The following TEAD1 variants were observed in gnomAD, a reference collection of about 807,000 sequenced individuals.
TEAD1 encodes the protein TEA domain transcription factor 1.
In TEAD1, 9 loss-of-function variants were observed where a neutral mutation model predicts 54.9. That is an observed-to-expected ratio of 0.16 (90% CI 0.10 to 0.29). The LOEUF (loss-of-function observed/expected upper bound fraction) is 0.29. Ranked by LOEUF, TEAD1 falls within the 10% of genes least tolerant of loss-of-function variation. TEAD1 has a pLI of 1.00. For synonymous variants in TEAD1, 200 were observed against 187.8 expected, an observed-to-expected ratio of 1.07 and a Z score of -0.53; for missense variants, 387 against 535.9, an observed-to-expected ratio of 0.72 and a Z score of 2.74.
At chr11:12,713,171 A>G (rs1217569334) in intron 2 of TEAD1, among the ~76,000 whole-genome samples, 1 of 152,070 alleles carries the variant, frequency 6.6e-6, no homozygotes, top group African/African-American at 2.4e-5. Context: ...AGGCATGTGC[A>G]ACCATGCCTG....
At chr11:12,839,310 C>G (rs1946975142) in intron 3 of TEAD1, among the ~76,000 whole-genome samples, 1 of 152,114 alleles carries the variant, frequency 6.6e-6, no homozygotes, top group Non-Finnish European at 1.5e-5. Context: ...GCTCGGGAGG[C>G]TGAGACAGGA....
intron 2 of TEAD1, among the ~76,000 whole-genome samples, chr11:12,733,926 C>T (rs1944472526): frequency 6.6e-6 from 1 of 152,184 alleles, no homozygotes; most frequent in Admixed American, 6.5e-5. Flanking sequence ...CCCACCTCCC[C>T]CGCCCCCTCT....
chr11:12,798,626 A>G (rs1590162809), intron 3 of TEAD1, among the ~76,000 whole-genome samples: 4 of 152,368 alleles, frequency 2.6e-5, no homozygotes, highest in Admixed American at 2.6e-4. Context: ...GTGTAAACCA[A>G]GAATGCCTTA....
Position 12,940,934 on chromosome 11 carries a change from G to A in TEAD1, c.*3712G>A, listed in dbSNP as rs766069087. 19 of 152,200 alleles carry A rather than the reference G, an allele frequency of 1.2e-4. No individual in the cohort carries two copies. Among genetic ancestry groups the A allele is most frequent in the Non-Finnish European group, 2.1e-4 (14 of 68,050 alleles). 9.4% of individuals were successfully genotyped at this position (152,200 alleles called of 1,614,324 possible). ...TAAGATACGTTTTCTGTCTTGAGCT[G>A]AAAGCACAGTCTACTCTCCTTCGTT... On this transcript the variant is annotated 3_prime_UTR_variant, in exon 13 of 13. Coordinates refer to ENST00000527636, the MANE Select transcript of TEAD1 (RefSeq NM_021961.6).
In TEAD1 at chr11:12,798,448, A is replaced by G. The variant is rs140487898; in HGVS notation, c.202+34014A>G. Among the ~76,000 whole-genome samples the G allele has an allele frequency of 1.1e-4, 16 of 152,296 alleles. 1 individual carries two copies. The East Asian group carries it at 3.1e-3, about 29-fold the overall frequency. ...CAGTTAGATCAGAAGGCCCCTAAAG[A>G]CAGGGCTCCATTGGTGTTAAACTGC... On this transcript the variant is annotated intron_variant, in intron 3 of 12. Transcript: ENST00000527636.
At chr11:12,877,695 GCTCCGTTTTCTTTTTCCCCCCTCCC>G (rs1275637890) in intron 5 of TEAD1, among the ~76,000 whole-genome samples, 2 of 151,630 alleles carry the variant, frequency 1.3e-5, no homozygotes, top group Admixed American at 6.6e-5. Context: ...GAAGTGTTAG[GCTCCGTTTTCTTTTTCCCCCCTCCC>G]CTCCCTTTCC....
In TEAD1 at chr11:12,778,781, A is replaced by G. The variant is rs78809375; in HGVS notation, c.202+14347A>G. 7.9e-3 allele frequency among the ~76,000 whole-genome samples: 1,198 copies of G among 152,292 alleles called. 20 individuals are homozygous for G. Among genetic ancestry groups the G allele is most frequent in the African/African-American group, 0.028 (1,145 of 41,554 alleles). On this transcript the variant is annotated intron_variant, in intron 3 of 12. Transcript: ENST00000527636. Reference sequence around the variant, plus strand: ...ATGACATTTACAACATTTTAATGAAACAACAAGGGCAAGAATTTTGATTTC... The same window carrying G: ...ATGACATTTACAACATTTTAATGAAGCAACAAGGGCAAGAATTTTGATTTC...
chr11:12,876,258 A>T (rs1320523165), intron 5 of TEAD1, among the ~76,000 whole-genome samples: 1 of 152,138 alleles, frequency 6.6e-6, no homozygotes, highest in Admixed American at 6.6e-5. Context: ...ACACTGACTG[A>T]TTTCCGTTTC....
chr11:12,857,259 A>C (rs2134060512), intron 3 of TEAD1, among the ~76,000 whole-genome samples: 1 of 152,348 alleles, frequency 6.6e-6, no homozygotes, highest in Non-Finnish European at 1.5e-5. Flanking sequence ...TCACAGTGTA[A>C]AAGTGACAGG....
At chr11:12,922,021 G>A (rs934435567) in intron 10 of TEAD1, among the ~76,000 whole-genome samples, 5 of 152,148 alleles carry the variant, frequency 3.3e-5, no homozygotes, top group South Asian at 2.1e-4. Flanking sequence ...ACATAAAACC[G>A]GATAAGTACA....
chr11:12,686,037 A>G (rs1462821342), intron 2 of TEAD1, among the ~76,000 whole-genome samples: 3 of 152,004 alleles, frequency 2.0e-5, no homozygotes, highest in Non-Finnish European at 2.9e-5. Context: ...AGTTTTGCCT[A>G]TTTGTATTTT....
Position 12,916,449 on chromosome 11 carries a change from C to A in TEAD1, c.874-8463C>A, listed in dbSNP as rs117755401. Among the ~76,000 whole-genome samples the A allele has an allele frequency of 6.7e-3, 1,023 of 152,256 alleles. 6 individuals carry two copies. Among genetic ancestry groups the A allele is most frequent in the Non-Finnish European group, 0.011 (716 of 68,026 alleles). On this transcript the variant is annotated intron_variant, in intron 10 of 12. Coordinates refer to ENST00000527636, the MANE Select transcript of TEAD1 (RefSeq NM_021961.6). ...CTCTAGATGTGATTTGAGGCTCTGT[C>A]TTCATCTCTATTGTGGTCAATATTT...
intron 3 of TEAD1, among the ~76,000 whole-genome samples, chr11:12,828,750 T>C (rs1368900496): frequency 2.0e-5 from 3 of 151,100 alleles, no homozygotes; most frequent in Admixed American, 6.6e-5. Flanking sequence ...CACTTTTCCT[T>C]AACTGGCGTC....
At chr11:12,930,517 A>T (rs1276826309) in intron 12 of TEAD1, among the ~76,000 whole-genome samples, 191 bp downstream of exon 12, 1 of 152,148 alleles carries the variant, frequency 6.6e-6, no homozygotes, top group Non-Finnish European at 1.5e-5. Flanking sequence ...GATTCTGTAG[A>T]AGAGAAGGGG....
chr11:12,908,275 CA>C (rs2134137323), intron 10 of TEAD1, among the ~76,000 whole-genome samples: 1 of 152,272 alleles, frequency 6.6e-6, no homozygotes, highest in South Asian at 2.1e-4. Context: ...GGAATGGTAC[CA>C]GACAACTAGG....
intron 2 of TEAD1, among the ~76,000 whole-genome samples, chr11:12,750,670 G>A (rs1285306407): frequency 6.6e-6 from 1 of 152,084 alleles, no homozygotes; most frequent in East Asian, 1.9e-4. Context: ...TGGCCTATGA[G>A]GCCCCCTGTG....
chr11:12,869,180 A>C (rs1053161533), intron 5 of TEAD1, among the ~76,000 whole-genome samples: 93 of 152,296 alleles, frequency 6.1e-4, no homozygotes, highest in African/African-American at 2.2e-3. Flanking sequence ...GGGTTCATTC[A>C]AATTTACCCT....
intron 3 of TEAD1, among the ~76,000 whole-genome samples, chr11:12,815,134 T>C (rs180697150): frequency 1.4e-3 from 217 of 152,168 alleles, no homozygotes; most frequent in Admixed American, 2.9e-3. Context: ...ATTCTGTGGG[T>C]TCCAGAGCCC....
intron 2 of TEAD1, among the ~76,000 whole-genome samples, chr11:12,731,451 G>GT (rs911454128): frequency 4.0e-5 from 6 of 151,768 alleles, no homozygotes; most frequent in African/African-American, 9.7e-5. Context: ...TTGTATGTAT[G>GT]TTTTTTTAAA....
Sources: allele counts gnomAD v4.1 joint callset (sites outside exome capture counted in the v4.1 genomes callset), GRCh38; gene constraint gnomAD v4.1.1; transcripts MANE v1.5; gene names NCBI Gene and HGNC (gene_info 2026-07-23, HGNC 2026-07-21).